The following NCKAP5 variants were observed in gnomAD, a reference collection of about 807,000 sequenced individuals.
The protein encoded by NCKAP5 is NCK associated protein 5, also known as nck-associated protein 5.
In NCKAP5, 92 loss-of-function variants were observed where a neutral mutation model predicts 167.0. The observed-to-expected ratio is 0.55, with a 90% CI of 0.47 to 0.66. NCKAP5 has a LOEUF of 0.66. NCKAP5 is among the 30% of genes least tolerant of loss of function. The pLI is 0.00. For synonymous variants in NCKAP5, 891 were observed against 877.4 expected (o/e 1.02, Z -0.27); for missense variants, 2,378 against 2,315.0 (o/e 1.03, Z -0.56).
At chr2:133,235,331 C>T (rs1372994369) in intron 4 of NCKAP5, among the ~76,000 whole-genome samples, 1 of 152,032 alleles carries the variant, frequency 6.6e-6, no homozygotes, top group African/African-American at 2.4e-5. Context: ...CTCTTGGTGT[C>T]CTTTTCGTGA....
intron 8 of NCKAP5, among the ~76,000 whole-genome samples, chr2:132,959,016 T>C (rs1165835861): frequency 6.8e-6 from 1 of 147,908 alleles, no homozygotes; most frequent in East Asian, 1.9e-4. Context: ...CCATAGAAGA[T>C]ATTTAATATA....
chr2:132,846,407 C>T (rs148965089), intron 11 of NCKAP5, among the ~76,000 whole-genome samples: 2,026 of 152,094 alleles, frequency 0.013, 43 homozygotes, highest in African/African-American at 0.046. Flanking sequence ...TGGGTTCAAA[C>T]GATTCTTGTG....
chr2:133,061,935 C>T (rs902829971), intron 6 of NCKAP5, among the ~76,000 whole-genome samples: 9 of 152,094 alleles, frequency 5.9e-5, no homozygotes, highest in African/African-American at 2.2e-4. Flanking sequence ...TGCAACATGC[C>T]CACATTTTTT....
chr2:133,185,707 A>T (rs1045600680), intron 5 of NCKAP5, among the ~76,000 whole-genome samples: 5 of 151,764 alleles, frequency 3.3e-5, no homozygotes, highest in African/African-American at 1.2e-4. Context: ...TCGATACTTC[A>T]TTTTTTATGG....
intron 6 of NCKAP5, among the ~76,000 whole-genome samples, chr2:133,084,913 G>T (rs1014325321): frequency 1.3e-5 from 2 of 152,158 alleles, no homozygotes; most frequent in African/African-American, 4.8e-5. Context: ...ATCCAAATAT[G>T]ATCTTGCTGA....
At chr2:132,912,905 AT>A (rs146714430) in intron 8 of NCKAP5, among the ~76,000 whole-genome samples, 2 of 152,032 alleles carry the variant, frequency 1.3e-5, no homozygotes, top group South Asian at 2.1e-4. Flanking sequence ...ATGATATAGA[AT>A]TTTTTTCTAT....
chr2:133,131,479 T>C (rs1416156302), intron 5 of NCKAP5, among the ~76,000 whole-genome samples: 3 of 152,262 alleles, frequency 2.0e-5, no homozygotes, highest in Admixed American at 6.5e-5. Flanking sequence ...GATAAATATT[T>C]GTTCAAGATG....
intron 3 of NCKAP5, among the ~76,000 whole-genome samples, chr2:133,335,192 T>C (rs774816150): frequency 1.2e-4 from 18 of 152,080 alleles, no homozygotes. Flanking sequence ...CTCAGTGGTA[T>C]TGGGATACAA....
At chr2:133,235,432 G>T (rs2087356448) in intron 4 of NCKAP5, among the ~76,000 whole-genome samples, 1 of 152,114 alleles carries the variant, frequency 6.6e-6, no homozygotes, top group Admixed American at 6.6e-5. Flanking sequence ...GAAGTACTAA[G>T]TCCTCCTGAG....
chr2:133,625,870 C>CAA, the NCKAP5 span, among the ~76,000 whole-genome samples: 263 of 88,970 alleles, frequency 3.0e-3, 3 homozygotes, highest in African/African-American at 6.0e-3. Flanking sequence ...AGACTTGTCT[C>CAA]AAAAAAAAAA....
intron 2 of NCKAP5, among the ~76,000 whole-genome samples, chr2:133,525,539 C>A (rs1684800501): frequency 6.6e-6 from 1 of 152,132 alleles, no homozygotes; most frequent in African/African-American, 2.4e-5. Flanking sequence ...TGAATCTGAA[C>A]TAAGTTTCTT....
intron 2 of NCKAP5, among the ~76,000 whole-genome samples, chr2:133,545,731 G>T (rs552027291): frequency 6.6e-6 from 1 of 152,114 alleles, no homozygotes; most frequent in South Asian, 2.1e-4. Context: ...TGAGAATTTC[G>T]TACCTTACAA....
chr2:132,892,298 A>G (rs1265402892), intron 8 of NCKAP5, among the ~76,000 whole-genome samples: 1 of 152,222 alleles, frequency 6.6e-6, no homozygotes, highest in African/African-American at 2.4e-5. Flanking sequence ...TATTACATTT[A>G]TCAACTCAAT....
chr2:133,566,891 G>A (rs1283315872), intron 1 of NCKAP5, among the ~76,000 whole-genome samples: 1 of 152,166 alleles, frequency 6.6e-6, no homozygotes, highest in Non-Finnish European at 1.5e-5. Flanking sequence ...GTGTTCTGAT[G>A]GAAAAAAATG....
chr2:132,766,568 T>TATGG (rs1299734176), intron 16 of NCKAP5, among the ~76,000 whole-genome samples: 4 of 152,182 alleles, frequency 2.6e-5, no homozygotes, highest in African/African-American at 9.6e-5. Context: ...TGGATCCACA[T>TATGG]ATGGATAACT....
At chr2:133,139,431 T>A (rs572909426) in intron 5 of NCKAP5, among the ~76,000 whole-genome samples, 14 of 152,310 alleles carry the variant, frequency 9.2e-5, no homozygotes, top group Non-Finnish European at 1.9e-4. Context: ...TTGTTTTGGA[T>A]AATTAGTGGG....
intron 3 of NCKAP5, among the ~76,000 whole-genome samples, chr2:133,462,563 C>A (rs539213679): frequency 6.6e-6 from 1 of 152,066 alleles, no homozygotes; most frequent in Non-Finnish European, 1.5e-5. Context: ...ACAATCATGA[C>A]CATGATTTTA....
At chr2:133,653,760 T>A in the NCKAP5 span, among the ~76,000 whole-genome samples, 1 of 152,190 alleles carries the variant, frequency 6.6e-6, no homozygotes, top group Non-Finnish European at 1.5e-5. Context: ...GGGCAGCGCC[T>A]GTGTTTAATT....
intron 5 of NCKAP5, among the ~76,000 whole-genome samples, chr2:133,196,423 G>A (rs1233653388): frequency 6.6e-6 from 1 of 152,138 alleles, no homozygotes; most frequent in Non-Finnish European, 1.5e-5. Flanking sequence ...AAAAGTAAGA[G>A]AACTGAGGCA....
Sources: gnomAD v4.1 joint callset for allele counts (sites outside exome capture counted in the v4.1 genomes callset) on GRCh38, gnomAD v4.1.1 for gene constraint, MANE v1.5 for transcripts, NCBI Gene and HGNC (gene_info 2026-07-23, HGNC 2026-07-21) for gene names.